Variants in ATP2B2 observed in about 807,000 individuals in gnomAD.
ATP2B2 encodes the protein ATPase plasma membrane Ca2+ transporting 2.
Under a neutral mutation model 120.0 loss-of-function variants are expected in ATP2B2, and 15 were observed. The ratio of observed to expected loss-of-function variants is 0.12; its 90% CI spans 0.08 to 0.19. The LOEUF is 0.19. Ranked by LOEUF, ATP2B2 falls within the 10% of genes least tolerant of loss-of-function variation. The pLI is 1.00. For missense variants in ATP2B2, 1,045 were observed against 1,719.8 expected (o/e 0.61, Z 6.94); for synonymous variants, 694 against 700.3 (o/e 0.99, Z 0.14).
chr3:10,466,919 T>G (rs1374323313), intron 1 of ATP2B2, among the ~76,000 whole-genome samples: 1 of 152,226 alleles, frequency 6.6e-6, no homozygotes, highest in Non-Finnish European at 1.5e-5. Context: ...GAGCAGAGCA[T>G]GCGGCCCCAC....
At chr3:10,619,162 G>C (rs781175503) in intron 2 of ATP2B2, among the ~76,000 whole-genome samples, 6 of 152,142 alleles carry the variant, frequency 3.9e-5, no homozygotes, top group Non-Finnish European at 8.8e-5. Flanking sequence ...TAAAGTGGCT[G>C]TGTCTCCTAA....
intron 11 of ATP2B2, among the ~76,000 whole-genome samples, chr3:10,374,102 G>A (rs769497858): frequency 6.6e-6 from 1 of 152,208 alleles, no homozygotes; most frequent in Admixed American, 6.5e-5. Flanking sequence ...GGTAGCGGGT[G>A]CCAGAGATAC....
chr3:10,542,722 G>A (rs761538240), intron 2 of ATP2B2, among the ~76,000 whole-genome samples: 16 of 152,242 alleles, frequency 1.1e-4, no homozygotes, highest in Admixed American at 3.3e-4. Flanking sequence ...AAATTTTTAC[G>A]CCCATAGGTG....
intron 2 of ATP2B2, among the ~76,000 whole-genome samples, chr3:10,438,650 G>C (rs375632798): frequency 2.0e-5 from 3 of 152,318 alleles, no homozygotes; most frequent in African/African-American, 4.8e-5. Flanking sequence ...GGAGGAGTAA[G>C]ATAATCGTTG....
intron 2 of ATP2B2, among the ~76,000 whole-genome samples, chr3:10,591,046 A>T (rs1280884689): frequency 6.6e-6 from 1 of 151,742 alleles, no homozygotes; most frequent in Non-Finnish European, 1.5e-5. Context: ...TATCTCAGCA[A>T]TCCCCTGCTT....
chr3:10,329,589 A>C lies in ATP2B2; in HGVS notation c.3421-464T>G, dbSNP rs939574104. On this transcript the variant is annotated intron_variant, in intron 22 of 22. Transcript: ENST00000360273. The surrounding 1 kb of genome is among the most constrained non-coding windows in gnomAD (Gnocchi z 5.9). ...CTTAGGAAAACCACACACAGTTAAGAAACCATACAACATGGAACATGTTAC... is the reference window on the plus strand; with the variant it reads ...CTTAGGAAAACCACACACAGTTAAGCAACCATACAACATGGAACATGTTAC... Among the ~76,000 whole-genome samples, 7 of 152,164 alleles carry C rather than the reference A, an allele frequency of 4.6e-5. No homozygotes were observed. Among genetic ancestry groups the C allele is most frequent in the African/African-American group, 1.7e-4 (7 of 41,426 alleles).
rs138978627 is a variant in ATP2B2 at position 10,550,872 on chromosome 3, G to A, written c.-414-16739C>T. ...GGGAGAGACAGAAGCTGTTATGCAC[G>A]GTCGCCAAGGCCTGGCTGCAAAGTA... On this transcript the variant is annotated intron_variant, in intron 2 of 21. Coordinates refer to the ATP2B2 transcript ENST00000646379. Among the ~76,000 whole-genome samples, 501 of 152,266 alleles carry A rather than the reference G, an allele frequency of 3.3e-3. 2 individuals carry two copies. The highest frequency in any genetic ancestry group is 0.011 in the African/African-American group (452 of 41,540).
At position 10,663,528 on chromosome 3, in the gene ATP2B2, A is replaced by T. The variant is rs147880351; in HGVS notation, c.-459-43567T>A. On this transcript the variant is annotated intron_variant, in intron 1 of 21. Transcript: ENST00000646379. ...GCAGTGGTCCAGCCCAGGGACCCAT[A>T]CCCACCAGTCACTTCCTAAGGGGCC... Among the ~76,000 whole-genome samples the T allele has an allele frequency of 1.8e-3, 277 of 152,226 alleles. 1 individual carries two copies. Among genetic ancestry groups the T allele is most frequent in the Non-Finnish European group, 3.2e-3 (217 of 68,004 alleles).
intron 2 of ATP2B2, among the ~76,000 whole-genome samples, chr3:10,605,521 C>T (rs1007551626): frequency 3.3e-5 from 5 of 152,160 alleles, no homozygotes; most frequent in Non-Finnish European, 5.9e-5. Flanking sequence ...GTTCTGGGAA[C>T]CAGAGCTGGG....
At chr3:10,332,341 G>A (rs2060003887) in intron 22 of ATP2B2, 3 of 381,140 alleles carry the variant, frequency 7.9e-6, no homozygotes, top group Admixed American at 7.0e-5. Flanking sequence ...GCTGGCTCTT[G>A]GCTTGGGTGG....
At chr3:10,590,180 G>C (rs957137778) in intron 2 of ATP2B2, among the ~76,000 whole-genome samples, 1 of 152,172 alleles carries the variant, frequency 6.6e-6, no homozygotes, top group African/African-American at 2.4e-5. Context: ...ACATTGATAT[G>C]ATATGATTTT....
At chr3:10,492,227 G>A (rs1440188193) in intron 1 of ATP2B2, among the ~76,000 whole-genome samples, 1 of 152,042 alleles carries the variant, frequency 6.6e-6, no homozygotes, top group East Asian at 1.9e-4. Flanking sequence ...TCTGCTGGGG[G>A]AGAAGCTGGG....
chr3:10,360,612 T>C (rs544594143), intron 12 of ATP2B2, among the ~76,000 whole-genome samples: 1 of 152,350 alleles, frequency 6.6e-6, no homozygotes, highest in East Asian at 1.9e-4. Flanking sequence ...TCCGAGATAA[T>C]TGTAATTCAC....
At chr3:10,495,714 T>C (rs938929309) in intron 1 of ATP2B2, among the ~76,000 whole-genome samples, 5 of 152,242 alleles carry the variant, frequency 3.3e-5, no homozygotes, top group African/African-American at 1.2e-4. Context: ...TCTCGCTTAA[T>C]TTTATTGCTA....
At chr3:10,432,102 A>G (rs569676054) in intron 2 of ATP2B2, among the ~76,000 whole-genome samples, 1 of 152,362 alleles carries the variant, frequency 6.6e-6, no homozygotes, top group African/African-American at 2.4e-5. Flanking sequence ...TCTGGAACAC[A>G]TTCAAAGAGC....
chr3:10,370,409 C>A (rs1329501120), intron 12 of ATP2B2, among the ~76,000 whole-genome samples: 1 of 152,254 alleles, frequency 6.6e-6, no homozygotes, highest in Non-Finnish European at 1.5e-5. Flanking sequence ...CATCGCTGAT[C>A]TCCCTTGATT....
chr3:10,390,762 G>A (rs1378240701), intron 5 of ATP2B2, among the ~76,000 whole-genome samples: 7 of 152,050 alleles, frequency 4.6e-5, no homozygotes, highest in African/African-American at 1.7e-4. Context: ...TTCCCCCTTG[G>A]CAGGGCACAG....
intron 1 of ATP2B2, among the ~76,000 whole-genome samples, chr3:10,683,770 A>G (rs1342411746): frequency 0.027 from 1,906 of 70,886 alleles, 67 homozygotes; most frequent in African/African-American, 0.069. Context: ...GTATATATAT[A>G]TATATATATA....
chr3:10,562,208 G>T (rs899721545), intron 2 of ATP2B2, among the ~76,000 whole-genome samples: 2 of 152,176 alleles, frequency 1.3e-5, no homozygotes, highest in African/African-American at 2.4e-5. Context: ...GATCAGATGA[G>T]CTGCACCTTC....
Sources: allele counts gnomAD v4.1 joint callset (sites outside exome capture counted in the v4.1 genomes callset), GRCh38; gene constraint gnomAD v4.1.1; non-coding constraint Gnocchi (gnomAD v3.1); transcripts MANE v1.5; gene names NCBI Gene and HGNC (gene_info 2026-07-23, HGNC 2026-07-21).